Variants in AGAP1 observed in about 807,000 individuals in gnomAD.
AGAP1 encodes the protein ArfGAP with GTPase domain, ankyrin repeat and PH domain 1.
In AGAP1, 29 loss-of-function variants were observed where a neutral mutation model predicts 105.3. That is an observed-to-expected ratio of 0.28 (90% CI 0.21 to 0.38). The LOEUF (loss-of-function observed/expected upper bound fraction) is 0.38, where lower values mean the gene tolerates loss of function less well. AGAP1 is among the 10% of genes least tolerant of loss of function. The pLI, the probability that AGAP1 is intolerant of heterozygous loss-of-function variation, is 1.00. For synonymous variants in AGAP1, 509 were observed against 485.9 expected, an observed-to-expected ratio of 1.05 and a Z score of -0.63; for missense variants, 998 against 1,165.1, an observed-to-expected ratio of 0.86 and a Z score of 2.09.
In AGAP1 at chr2:236,109,566, G is replaced by A. The variant is rs147858153; in HGVS notation, c.2115-10626G>A. On this transcript the variant is annotated intron_variant, in intron 16 of 17. Coordinates refer to ENST00000304032, the MANE Select transcript of AGAP1 (RefSeq NM_001037131.3). The surrounding 1 kb of genome is among the most constrained non-coding windows in gnomAD (Gnocchi z 5.4). ...CTTGGAAATGTCCTAGTCAGCGGCA[G>A]CGTCGGTGCTCTGGACCGGCAGCCA... Among the ~76,000 whole-genome samples, 611 of 152,292 alleles carry A rather than the reference G, an allele frequency of 4.0e-3. 7 individuals carry two copies. Among genetic ancestry groups the A allele is most frequent in the Middle Eastern group, 0.037 (11 of 294 alleles).
At position 235,610,724 on chromosome 2, in the gene AGAP1, C is replaced by G. The variant is rs560032052; in HGVS notation, c.164-98455C>G. On this transcript the variant is annotated intron_variant, in intron 1 of 17. Coordinates refer to ENST00000304032, the MANE Select transcript of AGAP1 (RefSeq NM_001037131.3). This position sits in a 1 kb window ranked among gnomAD's most constrained non-coding sequence, Gnocchi z 4.9. Reference sequence around the variant, plus strand: ...ACCCGCCATCCTCAAACGCACTGTGCTCCCGTGAGCTCCCTGCCCTGGAGT... The same window carrying G: ...ACCCGCCATCCTCAAACGCACTGTGGTCCCGTGAGCTCCCTGCCCTGGAGT... Among the ~76,000 whole-genome samples the G allele has an allele frequency of 6.6e-6, 1 of 152,272 alleles. No homozygotes were observed. Among genetic ancestry groups the G allele is most frequent in the African/African-American group, 2.4e-5 (1 of 41,546 alleles).
At chr2:235,896,059 C>A (rs1358549449) in intron 10 of AGAP1, among the ~76,000 whole-genome samples, 1 of 152,158 alleles carries the variant, frequency 6.6e-6, no homozygotes, top group Non-Finnish European at 1.5e-5. Context: ...ACCTCCAGAA[C>A]TTTTTCATCT....
intron 1 of AGAP1, among the ~76,000 whole-genome samples, chr2:235,613,793 G>A (rs564489106): frequency 2.6e-4 from 40 of 152,156 alleles, no homozygotes; most frequent in Non-Finnish European, 4.4e-4. Context: ...CCTAATTGGC[G>A]CGGGCCTCCC....
intron 1 of AGAP1, among the ~76,000 whole-genome samples, chr2:235,650,738 G>C (rs906416566): frequency 6.6e-6 from 1 of 152,130 alleles, no homozygotes; most frequent in South Asian, 2.1e-4. Context: ...GTTTTTTGCA[G>C]ATTGCAAATC....
chr2:235,497,510 A>G (rs1335637491), intron 1 of AGAP1, among the ~76,000 whole-genome samples: 1 of 152,250 alleles, frequency 6.6e-6, no homozygotes, highest in African/African-American at 2.4e-5. Context: ...GAAGATTTCC[A>G]GCTAGGGATT....
intron 3 of AGAP1, among the ~76,000 whole-genome samples, chr2:235,722,748 T>C (rs1182376556): frequency 6.6e-6 from 1 of 152,186 alleles, no homozygotes; most frequent in Non-Finnish European, 1.5e-5. Context: ...GGGATACAAT[T>C]CAACCCACAG....
intron 1 of AGAP1, among the ~76,000 whole-genome samples, chr2:235,540,260 C>T (rs916865416): frequency 3.3e-5 from 5 of 150,816 alleles, no homozygotes; most frequent in African/African-American, 9.8e-5. Flanking sequence ...AGGCAATTCT[C>T]GTGCCTCAGC....
chr2:235,735,400 G>A (rs540600123), intron 3 of AGAP1, among the ~76,000 whole-genome samples: 1 of 152,262 alleles, frequency 6.6e-6, no homozygotes, highest in South Asian at 2.1e-4. Flanking sequence ...TCTCTGTGTA[G>A]ACTGCACTTG....
chr2:236,073,120 C>T lies in AGAP1; in HGVS notation c.2114+23839C>T, dbSNP rs1276306768. On this transcript the variant is annotated intron_variant, in intron 16 of 17. Coordinates refer to ENST00000304032, the MANE Select transcript of AGAP1 (RefSeq NM_001037131.3). This position sits in a 1 kb window ranked among gnomAD's most constrained non-coding sequence, Gnocchi z 5.4. The stretch of plus-strand genomic sequence containing the variant: ...GAGCGATTCTCCTGCCTTGGTCCCC[C>T]GAGTAGCTGGGATTACAGGCGCACG... 1.3e-5 allele frequency among the ~76,000 whole-genome samples: 2 copies of T among 152,116 alleles called. No individual in the cohort carries two copies. Among genetic ancestry groups the T allele is most frequent in the Admixed American group, 6.5e-5 (1 of 15,274 alleles).
chr2:235,973,043 C>T lies in AGAP1; in HGVS notation c.1645+4420C>T, dbSNP rs556654523. ...CTCTGGCCGTTTCTTACCTCTGTGG[C>T]GCACTTATTCAGAAAGTAAAGGCTA... On this transcript the variant is annotated intron_variant, in intron 13 of 17. Coordinates refer to ENST00000304032, the MANE Select transcript of AGAP1 (RefSeq NM_001037131.3). This position sits in a 1 kb window ranked among gnomAD's most constrained non-coding sequence, Gnocchi z 4.7. Among the ~76,000 whole-genome samples, 33 of 152,274 alleles carry T rather than the reference C, an allele frequency of 2.2e-4. No individual in the cohort carries two copies. The highest frequency in any genetic ancestry group is 4.2e-4 in the South Asian group (2 of 4,816).
chr2:236,013,698 G>C (rs962790147), intron 13 of AGAP1, among the ~76,000 whole-genome samples: 1 of 152,150 alleles, frequency 6.6e-6, no homozygotes, highest in African/African-American at 2.4e-5. Context: ...AGAGACAGAC[G>C]GTCCTGTGAG....
chr2:236,033,138 G>A (rs566736756), intron 13 of AGAP1, among the ~76,000 whole-genome samples: 20 of 152,210 alleles, frequency 1.3e-4, no homozygotes, highest in African/African-American at 3.9e-4. Flanking sequence ...CCATCTTCTC[G>A]GGAGGCTGAG....
In AGAP1 at chr2:235,690,521, A is replaced by G. The variant is rs1949688237; in HGVS notation, c.164-18658A>G. Among the ~76,000 whole-genome samples, 1 of 152,224 alleles carries G rather than the reference A, an allele frequency of 6.6e-6. No individual in the cohort carries two copies. The highest frequency in any genetic ancestry group is 1.5e-5 in the Non-Finnish European group (1 of 68,042). ...GCATGGTTTATTCCTAGCTTCCGGT[A>G]GAGGAGGCTGGCCAACTCAGACACC... On this transcript the variant is annotated intron_variant, in intron 1 of 17. Transcript: ENST00000304032. This position sits in a 1 kb window ranked among gnomAD's most constrained non-coding sequence, Gnocchi z 4.1.
intron 13 of AGAP1, 132 bp downstream of exon 13, chr2:235,968,755 G>T: frequency 1.0e-6 from 1 of 953,326 alleles, no homozygotes; most frequent in Non-Finnish European, 1.5e-6. Context: ...TGTGCTTTCT[G>T]TTTGCAAGGT....
Position 236,027,412 on chromosome 2 carries a change from C to T in AGAP1, c.1646-9149C>T, listed in dbSNP as rs765740721. On this transcript the variant is annotated intron_variant, in intron 13 of 17. Coordinates refer to ENST00000304032, the MANE Select transcript of AGAP1 (RefSeq NM_001037131.3). The surrounding 1 kb of genome is among the most constrained non-coding windows in gnomAD (Gnocchi z 4.4). ...AAGGTCCAGCTGCTCGGACCCTTGT[C>T]GTAAATTTCAGGGCCTGAAAATCCA... Among the ~76,000 whole-genome samples the T allele has an allele frequency of 6.6e-6, 1 of 152,062 alleles. No individual in the cohort carries two copies. The highest frequency in any genetic ancestry group is 1.5e-5 in the Non-Finnish European group (1 of 68,012).
In AGAP1 at chr2:235,953,333, A is replaced by G. The variant is rs185144377; in HGVS notation, c.1484-15129A>G. ...GCCTTCTAACATAACAAAAGGTTAC[A>G]TGTGATGGCCAAGGGAAAAGAAAAC... On this transcript the variant is annotated intron_variant, in intron 12 of 17. Transcript: ENST00000304032. This position sits in a 1 kb window ranked among gnomAD's most constrained non-coding sequence, Gnocchi z 5.2. 2.0e-5 allele frequency among the ~76,000 whole-genome samples: 3 copies of G among 152,356 alleles called. No individual in the cohort carries two copies. The highest frequency in any genetic ancestry group is 1.3e-4 in the Admixed American group (2 of 15,302).
At position 235,728,326 on chromosome 2, in the gene AGAP1, T is replaced by TGTGTGTGTGTGTGTGTGTGCGCGC. The variant is rs986896995; in HGVS notation, c.310+10683_310+10684insTGTGTGTGTGTGTGTGTGCGCGCG. Among the ~76,000 whole-genome samples the TGTGTGTGTGTGTGTGTGTGCGCGC allele has an allele frequency of 7.3e-4, 111 of 151,736 alleles. No individual in the cohort carries two copies. The highest frequency in any genetic ancestry group is 2.6e-3 in the African/African-American group (106 of 41,200). Reference sequence around the variant, plus strand: ...CTGTGTGTGTGTGTGTGTGTGTGTGTGCGTGCTCTTAAATCAATGTAAATT... The same window carrying TGTGTGTGTGTGTGTGTGTGCGCGC: ...CTGTGTGTGTGTGTGTGTGTGTGTGTGTGTGTGTGTGTGTGTGTGCGCGCGCGTGCTCTTAAATCAATGTAAATT... On this transcript the variant is annotated intron_variant, in intron 3 of 17. Transcript: ENST00000304032. The surrounding 1 kb of genome is among the most constrained non-coding windows in gnomAD (Gnocchi z 4.3).
At chr2:235,518,926 G>A (rs991536406) in intron 1 of AGAP1, among the ~76,000 whole-genome samples, 3 of 152,192 alleles carry the variant, frequency 2.0e-5, no homozygotes, top group Admixed American at 1.3e-4. Flanking sequence ...AGTGGCAGGG[G>A]CAGCAACAGG....
At position 235,719,368 on chromosome 2, in the gene AGAP1, G is replaced by A. The variant is rs1009557264; in HGVS notation, c.310+1724G>A. Among the ~76,000 whole-genome samples, 1 of 152,148 alleles carries A rather than the reference G, an allele frequency of 6.6e-6. No individual in the cohort carries two copies. Among genetic ancestry groups the A allele is most frequent in the East Asian group, 1.9e-4 (1 of 5,200 alleles). ...TGTTTTCCCTTTGGGCATTCACAGTGTGTTCCATTGTATTTGGGCCCAGCT... is the reference window on the plus strand; with the variant it reads ...TGTTTTCCCTTTGGGCATTCACAGTATGTTCCATTGTATTTGGGCCCAGCT... On this transcript the variant is annotated intron_variant, in intron 3 of 17. Transcript: ENST00000304032. The surrounding 1 kb of genome is among the most constrained non-coding windows in gnomAD (Gnocchi z 4.9).
Sources: gnomAD v4.1 joint callset for allele counts (sites outside exome capture counted in the v4.1 genomes callset) on GRCh38, gnomAD v4.1.1 for gene constraint, Gnocchi (gnomAD v3.1) non-coding constraint, MANE v1.5 for transcripts, NCBI Gene and HGNC (gene_info 2026-07-23, HGNC 2026-07-21) for gene names.